The following KCTD1 variants were observed in gnomAD, a reference collection of about 807,000 sequenced individuals.
KCTD1 encodes the protein BTB/POZ domain-containing protein KCTD1.
In KCTD1, 24 loss-of-function variants were observed where a neutral mutation model predicts 66.0. The ratio of observed to expected loss-of-function variants is 0.36; its 90% CI spans 0.26 to 0.51. The LOEUF is 0.51. Among genes scored for constraint, KCTD1 ranks in the 20% least tolerant of loss-of-function variants. The probability of loss-of-function intolerance (pLI) is 0.95; values close to 1 mark genes in which losing one functional copy is unlikely to be tolerated. For missense variants in KCTD1, 943 were observed against 1,205.2 expected (o/e 0.78, Z 3.22); for synonymous variants, 511 against 517.2 (o/e 0.99, Z 0.16).
chr18:26,633,197 T>G (rs1987657922), upstream of KCTD1, among the ~76,000 whole-genome samples: 2 of 152,164 alleles, frequency 1.3e-5, no homozygotes, highest in African/African-American at 4.8e-5. Flanking sequence ...ATACATCATA[T>G]ATCAAATGTG....
At chr18:26,654,047 G>T (rs928209196) in intron 1 of KCTD1, among the ~76,000 whole-genome samples, 8 of 152,136 alleles carry the variant, frequency 5.3e-5, no homozygotes, top group Admixed American at 1.3e-4. Context: ...CAATGCAAAT[G>T]GGAAAAGACC....
At chr18:26,600,113 G>A in intron 1 of KCTD1, 3 of 1,610,502 alleles carry the variant, frequency 1.9e-6, no homozygotes, top group Non-Finnish European at 2.5e-6. Context: ...GCTGCTTCTT[G>A]TGGGGAAGGG....
At chr18:26,481,595 C>G (rs1335183383) in intron 2 of KCTD1, among the ~76,000 whole-genome samples, 1 of 152,158 alleles carries the variant, frequency 6.6e-6, no homozygotes, top group African/African-American at 2.4e-5. Flanking sequence ...TTGTCAGGGA[C>G]AGTAAGTAAA....
chr18:26,610,237 T>A (rs1987104294), intron 1 of KCTD1, among the ~76,000 whole-genome samples: 1 of 152,140 alleles, frequency 6.6e-6, no homozygotes, highest in Non-Finnish European at 1.5e-5. Flanking sequence ...AAAGTTTAAA[T>A]TTTTCCTTAT....
intron 2 of KCTD1, among the ~76,000 whole-genome samples, chr18:26,480,964 A>AT (rs1981616943): frequency 6.6e-6 from 1 of 152,158 alleles, no homozygotes; most frequent in Non-Finnish European, 1.5e-5. Context: ...AGGATCCTAC[A>AT]TTTGGCTTAG....
At chr18:26,609,360 G>A (rs777799716) in intron 1 of KCTD1, among the ~76,000 whole-genome samples, 2 of 152,156 alleles carry the variant, frequency 1.3e-5, no homozygotes, top group Middle Eastern at 3.4e-3. Context: ...AAATGAATTC[G>A]GCTCCTGCCT....
At position 26,455,522 on chromosome 18, in the gene KCTD1, C is replaced by CAT. The variant is rs1178094077; in HGVS notation, c.*219_*220dup. On this transcript the variant is annotated 3_prime_UTR_variant, in exon 5 of 5. Coordinates refer to ENST00000580059, the MANE Select transcript of KCTD1 (RefSeq NM_001142730.3). ...CTTTTTTGCATTTCCTACCTTTTGA[C>CAT]ATATATATATATATTTATATATTTT... The CAT allele has an allele frequency of 1.1e-3, 278 of 245,954 alleles. No individual in the cohort carries two copies. Among genetic ancestry groups the CAT allele is most frequent in the East Asian group, 6.2e-3 (76 of 12,304 alleles). 15.2% of individuals were successfully genotyped at this position (245,954 alleles called of 1,614,324 possible). A position where few individuals can be genotyped will look rare whatever the true frequency, so the allele number is the denominator to read the frequency against.
chr18:26,607,718 G>A (rs1018224447), intron 1 of KCTD1, among the ~76,000 whole-genome samples: 2 of 151,932 alleles, frequency 1.3e-5, no homozygotes, highest in East Asian at 1.9e-4. Flanking sequence ...GTAATTTCCC[G>A]TATTGAACAG....
chr18:26,589,761 G>C (rs1440506835), intron 1 of KCTD1, among the ~76,000 whole-genome samples: 1 of 152,190 alleles, frequency 6.6e-6, no homozygotes, highest in Non-Finnish European at 1.5e-5. Flanking sequence ...GCACAGCATG[G>C]TGATTCCATC....
In KCTD1 at chr18:26,618,097, T is replaced by A. The variant is rs59893417; in HGVS notation, c.-16+11050A>T. ...TTGGGTAAATAAGAAGACCTAGGTT[T>A]AAAAAAAAACAAAAAAGACTCTGGC... On this transcript the variant is annotated intron_variant, in intron 1 of 4. Transcript: ENST00000317932. Among the ~76,000 whole-genome samples the A allele has an allele frequency of 3.0e-3, 438 of 146,430 alleles. 1 individual carries two copies. The highest frequency in any genetic ancestry group is 4.5e-3 in the Admixed American group (67 of 14,736).
chr18:26,617,887 G>C (rs1475195665), intron 1 of KCTD1, among the ~76,000 whole-genome samples: 2 of 146,474 alleles, frequency 1.4e-5, no homozygotes, highest in African/African-American at 5.1e-5. Context: ...GAGGGAAGGA[G>C]GGCAGGCAAG....
At chr18:26,637,701 T>C (rs998917970) in intron 1 of KCTD1, among the ~76,000 whole-genome samples, 1 of 152,206 alleles carries the variant, frequency 6.6e-6, no homozygotes, top group Non-Finnish European at 1.5e-5. Flanking sequence ...GATTCAGCGG[T>C]CGGCTCACCC....
chr18:26,608,721 T>C lies in KCTD1; in HGVS notation c.-16+20426A>G, dbSNP rs886631817. 2.6e-5 allele frequency among the ~76,000 whole-genome samples: 4 copies of C among 152,210 alleles called. No individual in the cohort carries two copies. The East Asian group carries it at 7.7e-4, about 29-fold the overall frequency. ...AAGTCTTATTGTGCACAGTGATGCT[T>C]TACCCACTTTATATTGAACACAGTA... On this transcript the variant is annotated intron_variant, in intron 1 of 4. Coordinates refer to the KCTD1 transcript ENST00000317932.
Position 26,548,267 on chromosome 18 carries a change from C to G in KCTD1, c.270G>C (p.Glu90Asp). ...DGGGGLEEDEEEEEEEEMGLD... is the reference protein window; with the variant it reads ...DGGGGLEEDEDEEEEEEMGLD... The stretch of plus-strand genomic sequence containing the variant: ...GCCCCATCTCCTCCTCTTCCTCCTC[C>G]TCCTCGTCCTCCTCCAGCCCCCCAC... The change falls in exon 1 of 5, where the codon GAG becomes GAC. Residue 90 changes from glutamate (E) to aspartate (D), a missense_variant. This residue lies in a region of KCTD1 where 236 missense variants were observed against 206.6 expected (regional missense o/e 1.14). Coordinates refer to ENST00000580059, the MANE Select transcript of KCTD1 (RefSeq NM_001142730.3). The G allele has an allele frequency of 1.3e-6, 2 of 1,514,302 alleles. No homozygotes were observed. 93.8% of individuals were successfully genotyped at this position (1,514,302 alleles called of 1,614,324 possible). A position where few individuals can be genotyped will look rare whatever the true frequency, so the allele number is the denominator to read the frequency against.
At chr18:26,492,488 C>T (rs1474352550) in intron 2 of KCTD1, among the ~76,000 whole-genome samples, 1 of 151,944 alleles carries the variant, frequency 6.6e-6, no homozygotes, top group East Asian at 1.9e-4. Context: ...TAAAAATTAA[C>T]CGAATGTGGT....
chr18:26,618,418 A>G (rs1299665283), intron 1 of KCTD1, among the ~76,000 whole-genome samples: 2 of 152,336 alleles, frequency 1.3e-5, no homozygotes, highest in East Asian at 3.9e-4. Flanking sequence ...TGCTTCAGGA[A>G]CTAGGTGCAT....
intron 3 of KCTD1, among the ~76,000 whole-genome samples, chr18:26,464,601 C>A (rs1340026597): frequency 6.6e-6 from 1 of 152,222 alleles, no homozygotes; most frequent in Non-Finnish European, 1.5e-5. Flanking sequence ...CTGACAGATC[C>A]TTAACACTCA....
chr18:26,593,718 GGAGGAGGAGAAAGAT>G (rs199532185), intron 1 of KCTD1, among the ~76,000 whole-genome samples: 7 of 89,508 alleles, frequency 7.8e-5, no homozygotes, highest in African/African-American at 1.4e-4. Context: ...AGGAAGATAA[GGAGGAGGAGAAAGAT>G]GAGGAGGAGG....
At chr18:26,565,722 ATT>A (rs373493044) in intron 1 of KCTD1, 6 of 138,380 alleles carry the variant, frequency 4.3e-5, no homozygotes, top group African/African-American at 2.7e-5. Flanking sequence ...GTTAGTGCCA[ATT>A]TTTTTTTTTT....
Sources: gnomAD v4.1 joint callset for allele counts (sites outside exome capture counted in the v4.1 genomes callset) on GRCh38, gnomAD v4.1.1 for gene constraint, gnomAD v4.1.1 regional missense constraint, MANE v1.5 for transcripts, NCBI Gene and HGNC (gene_info 2026-07-23, HGNC 2026-07-21) for gene names.